C12orf42: variants seen among roughly 807,000 people sequenced by gnomAD.
C12orf42 encodes the protein chromosome 12 open reading frame 42.
In C12orf42, 25 loss-of-function variants were observed where a neutral mutation model predicts 21.6. That is an observed-to-expected ratio of 1.16 (90% CI 0.84 to 1.62). C12orf42 has a LOEUF of 1.62. Ranked by LOEUF, C12orf42 falls within the 40% of genes most tolerant of loss-of-function variation. The pLI is 0.00. For synonymous variants in C12orf42, 174 were observed against 175.0 expected (o/e 0.99, Z 0.05); for missense variants, 483 against 459.3 (o/e 1.05, Z -0.47).
chr12:103,383,923 T>A (rs755502173), intron 3 of C12orf42, among the ~76,000 whole-genome samples: 4 of 152,210 alleles, frequency 2.6e-5, no homozygotes, highest in African/African-American at 4.8e-5. Context: ...AGAGCCTAGG[T>A]GCTGTCATCA....
intron 5 of C12orf42, among the ~76,000 whole-genome samples, chr12:103,272,015 T>C (rs1197907159): frequency 2.6e-5 from 4 of 152,142 alleles, no homozygotes; most frequent in Admixed American, 2.0e-4. Flanking sequence ...ATCTATGAAA[T>C]GAAAGATCTA....
At chr12:103,141,294 A>G in the C12orf42 span, among the ~76,000 whole-genome samples, 1 of 152,224 alleles carries the variant, frequency 6.6e-6, no homozygotes, top group African/African-American at 2.4e-5. Flanking sequence ...TGAAAGAAAG[A>G]TAAGAAAATC....
chr12:103,310,254 ACTCT>A lies in C12orf42; in HGVS notation c.260-3913_260-3910del, dbSNP rs142832022. On this transcript the variant is annotated intron_variant, in intron 4 of 5. Coordinates refer to ENST00000548883, the MANE Select transcript of C12orf42 (RefSeq NM_198521.5). ...GTGGCACCTCCTCCCCTTCTCCCCT[ACTCT>A]CTCTCTCTCTCTCTCTGTGTCTCTC... Among the ~76,000 whole-genome samples, 11 of 136,040 alleles carry A rather than the reference ACTCT, an allele frequency of 8.1e-5. No homozygotes were observed. In the East Asian group the frequency reaches 8.5e-4, roughly 10 times the overall value. The allele number at this position is 136,040 out of a possible 152,430, so 89.2% of individuals were successfully genotyped here.
chr12:103,521,798 C>T, the C12orf42 span, among the ~76,000 whole-genome samples: 2 of 152,198 alleles, frequency 1.3e-5, no homozygotes, highest in East Asian at 1.9e-4. Context: ...ACCTCATAAA[C>T]ATTTTCCCCT....
intron 10 of C12orf42, among the ~76,000 whole-genome samples, chr12:103,259,888 G>A (rs78390935): frequency 0.02 from 2,986 of 152,152 alleles, 90 homozygotes; most frequent in African/African-American, 0.068. Context: ...GGTACAATTC[G>A]TTTAATGTCT....
chr12:103,227,191 A>G, the C12orf42 span, among the ~76,000 whole-genome samples: 1 of 152,018 alleles, frequency 6.6e-6, no homozygotes, highest in Non-Finnish European at 1.5e-5. Flanking sequence ...AGAAGAGAGT[A>G]GAGAAATGGA....
chr12:103,071,757 C>T, the C12orf42 span, among the ~76,000 whole-genome samples: 1 of 152,170 alleles, frequency 6.6e-6, no homozygotes, highest in Non-Finnish European at 1.5e-5. Context: ...AACTGTGAGT[C>T]AATTAAACCA....
At position 103,447,010 on chromosome 12, in the gene C12orf42, G is replaced by C. The variant is rs566302569; in HGVS notation, c.78+31339C>G. 4.6e-5 allele frequency among the ~76,000 whole-genome samples: 7 copies of C among 151,976 alleles called. No homozygotes were observed. In the East Asian group the frequency reaches 1.4e-3, roughly 29 times the overall value. On this transcript the variant is annotated intron_variant, in intron 2 of 5. Transcript: ENST00000548883. ...CTTAAACTATACCCTAGAACAAATG[G>C]ACTTAACAGATATTTGCAGAACATT...
At chr12:103,229,996 A>T in the C12orf42 span, among the ~76,000 whole-genome samples, 1 of 152,234 alleles carries the variant, frequency 6.6e-6, no homozygotes, top group Non-Finnish European at 1.5e-5. Context: ...ACAATTTGAT[A>T]AAGTTTGAGT....
chr12:103,349,747 G>A (rs545158075), intron 4 of C12orf42, among the ~76,000 whole-genome samples: 7 of 151,986 alleles, frequency 4.6e-5, no homozygotes, highest in African/African-American at 1.7e-4. Flanking sequence ...TTTACTTCTT[G>A]TTAAATTTTT....
At chr12:103,295,632 T>A (rs2037216395) in intron 4 of C12orf42, among the ~76,000 whole-genome samples, 1 of 152,114 alleles carries the variant, frequency 6.6e-6, no homozygotes, top group Non-Finnish European at 1.5e-5. Flanking sequence ...GATGACACAG[T>A]CAGCAGAAAT....
upstream of C12orf42, among the ~76,000 whole-genome samples, chr12:103,498,881 T>C (rs1274566947): frequency 7.2e-6 from 1 of 138,546 alleles, no homozygotes; most frequent in Non-Finnish European, 1.5e-5. Flanking sequence ...GGGGGTGGGG[T>C]TGGGGGAGGG....
chr12:103,530,441 A>T, the C12orf42 span, among the ~76,000 whole-genome samples: 1 of 152,186 alleles, frequency 6.6e-6, no homozygotes, highest in African/African-American at 2.4e-5. Flanking sequence ...CCAGGCTTAG[A>T]AAAGGTTAAC....
chr12:103,509,224 T>G, the C12orf42 span, among the ~76,000 whole-genome samples: 12 of 152,322 alleles, frequency 7.9e-5, no homozygotes, highest in South Asian at 2.5e-3. Flanking sequence ...CAGCAGGTAT[T>G]GAACCTAACC....
chr12:103,398,086 T>G (rs959938934), intron 3 of C12orf42, among the ~76,000 whole-genome samples: 1 of 152,188 alleles, frequency 6.6e-6, no homozygotes, highest in African/African-American at 2.4e-5. Context: ...GTGTTTGCAT[T>G]CTACAACTGT....
At chr12:103,343,793 A>G (rs1414068162) in intron 4 of C12orf42, among the ~76,000 whole-genome samples, 2 of 151,924 alleles carry the variant, frequency 1.3e-5, no homozygotes, top group African/African-American at 2.4e-5. Flanking sequence ...AAAAAAAAGA[A>G]AAAGAAAAAA....
chr12:103,424,372 G>A (rs10861000), intron 2 of C12orf42, among the ~76,000 whole-genome samples: 94,379 of 152,168 alleles, frequency 0.62, 30,329 homozygotes, highest in Admixed American at 0.72. Flanking sequence ...AAAACATACC[G>A]AGTGGCTGGC....
intron 10 of C12orf42, among the ~76,000 whole-genome samples, chr12:103,247,002 C>T (rs1271204003): frequency 6.6e-6 from 1 of 151,344 alleles, no homozygotes; most frequent in Non-Finnish European, 1.5e-5. Context: ...TCTTTATTTG[C>T]AATAATTTAT....
chr12:103,532,244 G>T, the C12orf42 span, among the ~76,000 whole-genome samples: 48 of 152,200 alleles, frequency 3.2e-4, 1 homozygote, highest in Non-Finnish European at 5.4e-4. Context: ...ACACCCATCT[G>T]CATGATGGAT....
Sources: gnomAD v4.1 joint callset for allele counts (sites outside exome capture counted in the v4.1 genomes callset) on GRCh38, gnomAD v4.1.1 for gene constraint, MANE v1.5 for transcripts, NCBI Gene and HGNC (gene_info 2026-07-23, HGNC 2026-07-21) for gene names.